The following MBNL2 variants were observed in gnomAD, a reference collection of about 807,000 sequenced individuals.
MBNL2 encodes the protein muscleblind-like protein 2.
A neutral mutation model predicts 41.9 loss-of-function variants in MBNL2; 17 were observed. The ratio of observed to expected loss-of-function variants is 0.41; its 90% CI spans 0.28 to 0.61. MBNL2 has a LOEUF of 0.61. MBNL2 is among the 20% of genes least tolerant of loss of function. The probability of loss-of-function intolerance (pLI) is 0.35; values close to 1 mark genes in which losing one functional copy is unlikely to be tolerated. For missense variants in MBNL2, 336 were observed against 505.6 expected (o/e 0.66, Z 3.22); for synonymous variants, 195 against 182.9 (o/e 1.07, Z -0.53).
intron 2 of MBNL2, among the ~76,000 whole-genome samples, chr13:97,309,127 G>A (rs2058364457): frequency 6.6e-6 from 1 of 152,168 alleles, no homozygotes; most frequent in African/African-American, 2.4e-5. Flanking sequence ...TATGTAGGGA[G>A]ATAAATAACA....
chr13:97,342,330 GAAACC>G lies in MBNL2; in HGVS notation c.340-678_340-674del, dbSNP rs796880235. The stretch of plus-strand genomic sequence containing the variant: ...CTGCTGTGTTGATTTTGTGACCTAG[GAAACC>G]AAACCAACTTTTAATGGCCAATCAC... On this transcript the variant is annotated intron_variant, in intron 3 of 8. Transcript: ENST00000679496. Among the ~76,000 whole-genome samples, 14 of 152,198 alleles carry G rather than the reference GAAACC, an allele frequency of 9.2e-5. 1 individual carries two copies. The highest frequency in any genetic ancestry group is 3.4e-4 in the African/African-American group (14 of 41,526).
chr13:97,348,089 T>TTTG (rs1566433009), intron 5 of MBNL2, among the ~76,000 whole-genome samples: 1 of 150,430 alleles, frequency 6.6e-6, no homozygotes, highest in African/African-American at 2.4e-5. Flanking sequence ...TTTTTTTTTT[T>TTTG]TTTTTTTAAG....
chr13:97,199,877 G>T, the MBNL2 span, among the ~76,000 whole-genome samples: 2 of 152,232 alleles, frequency 1.3e-5, no homozygotes, highest in African/African-American at 4.8e-5. Flanking sequence ...AAACCTAAGG[G>T]ACTCATTGGG....
intron 8 of MBNL2, among the ~76,000 whole-genome samples, chr13:97,377,405 C>A (rs556011752): frequency 5.9e-5 from 9 of 152,288 alleles, no homozygotes; most frequent in South Asian, 2.1e-4. Flanking sequence ...CTCCATCAAG[C>A]CGCAATTCAG....
chr13:97,384,706 A>C (rs4771272), intron 8 of MBNL2, among the ~76,000 whole-genome samples: 80,167 of 152,062 alleles, frequency 0.53, 21,956 homozygotes, highest in African/African-American at 0.67. Context: ...GGAAATGCCA[A>C]TTAATTGCCT....
At chr13:97,185,126 TATG>T in the MBNL2 span, among the ~76,000 whole-genome samples, 74 of 152,354 alleles carry the variant, frequency 4.9e-4, no homozygotes, top group South Asian at 3.9e-3. Flanking sequence ...TACCTTAAGT[TATG>T]ATGATATTTG....
chr13:97,359,552 A>T (rs2063239533), intron 7 of MBNL2, among the ~76,000 whole-genome samples: 2 of 152,214 alleles, frequency 1.3e-5, no homozygotes. Flanking sequence ...GCAAGGATAA[A>T]CAACATCCCT....
chr13:97,357,861 C>G, intron 7 of MBNL2: 1 of 576,726 alleles, frequency 1.7e-6, no homozygotes, highest in East Asian at 3.0e-5. Flanking sequence ...ACAGATTTAA[C>G]CCATGAGAAA....
chr13:97,253,959 C>A (rs1247566037), intron 1 of MBNL2, among the ~76,000 whole-genome samples: 1 of 151,950 alleles, frequency 6.6e-6, no homozygotes, highest in Non-Finnish European at 1.5e-5. Context: ...GCATGATCTT[C>A]GCTCACTGCA....
chr13:97,294,391 C>A (rs1299804360), intron 2 of MBNL2, among the ~76,000 whole-genome samples: 1 of 152,156 alleles, frequency 6.6e-6, no homozygotes, highest in African/African-American at 2.4e-5. Context: ...AAATACTAAA[C>A]CATGTGTACC....
intron 2 of MBNL2, among the ~76,000 whole-genome samples, chr13:97,301,741 G>A (rs1594180637): frequency 6.6e-6 from 1 of 152,202 alleles, no homozygotes; most frequent in African/African-American, 2.4e-5. Context: ...TAACAAACCA[G>A]TTTAGATGCG....
At chr13:97,178,808 G>A in the MBNL2 span, among the ~76,000 whole-genome samples, 1 of 152,126 alleles carries the variant, frequency 6.6e-6, no homozygotes, top group African/African-American at 2.4e-5. Flanking sequence ...GAGGTGGAAG[G>A]ATTGCTTGAG....
At chr13:97,251,894 A>G (rs1292597748) in intron 1 of MBNL2, among the ~76,000 whole-genome samples, 7 of 118,744 alleles carry the variant, frequency 5.9e-5, no homozygotes, top group Non-Finnish European at 4.8e-5. Context: ...CCCAGGCCGG[A>G]CTGCGGACTG....
At chr13:97,242,678 TC>T (rs904809903) in intron 1 of MBNL2, among the ~76,000 whole-genome samples, 12 of 151,926 alleles carry the variant, frequency 7.9e-5, no homozygotes, top group African/African-American at 2.7e-4. Flanking sequence ...AATGAGGACT[TC>T]CTGGGTCCCG....
chr13:97,241,975 T>G (rs1334351169), intron 1 of MBNL2, among the ~76,000 whole-genome samples: 1 of 152,174 alleles, frequency 6.6e-6, no homozygotes. Context: ...TCTTATTGTG[T>G]GCACACATGG....
intron 2 of MBNL2, among the ~76,000 whole-genome samples, chr13:97,315,849 G>T (rs1037699304): frequency 6.6e-6 from 1 of 151,806 alleles, no homozygotes; most frequent in Non-Finnish European, 1.5e-5. Context: ...CTTACTCGTG[G>T]GTGAGGATGT....
intron 1 of MBNL2, among the ~76,000 whole-genome samples, chr13:97,234,452 G>A (rs1163789509): frequency 6.6e-6 from 1 of 152,110 alleles, no homozygotes; most frequent in Non-Finnish European, 1.5e-5. Flanking sequence ...AAAGAGGTGG[G>A]GCTCTTTAAC....
chr13:97,165,451 T>A, the MBNL2 span, among the ~76,000 whole-genome samples: 2 of 152,200 alleles, frequency 1.3e-5, no homozygotes, highest in African/African-American at 4.8e-5. Flanking sequence ...ACATCATTTT[T>A]AAAATGCCTT....
At chr13:97,248,436 C>A (rs2045908819) in intron 1 of MBNL2, among the ~76,000 whole-genome samples, 1 of 152,136 alleles carries the variant, frequency 6.6e-6, no homozygotes, top group African/African-American at 2.4e-5. Context: ...CACCCGGGGC[C>A]CCATAATATT....
Sources: gnomAD v4.1 joint callset for allele counts (sites outside exome capture counted in the v4.1 genomes callset) on GRCh38, gnomAD v4.1.1 for gene constraint, MANE v1.5 for transcripts, NCBI Gene and HGNC (gene_info 2026-07-23, HGNC 2026-07-21) for gene names.